The following POM121C variants were observed in gnomAD, a reference collection of about 807,000 sequenced individuals.
POM121C encodes the protein POM121 transmembrane nucleoporin C.
Under a neutral mutation model 66.4 loss-of-function variants are expected in POM121C, and 20 were observed. That is an observed-to-expected ratio of 0.30 (90% CI 0.21 to 0.44). POM121C has a LOEUF of 0.44. Among genes scored for constraint, POM121C ranks in the 20% least tolerant of loss-of-function variants. POM121C has a pLI of 1.00. For missense variants in POM121C, 580 were observed against 1,225.7 expected (o/e 0.47, Z 7.87); for synonymous variants, 286 against 528.0 (o/e 0.54, Z 6.28).
In POM121C at chr7:75,442,728, C is replaced by A. The variant is rs1449241380; in HGVS notation, c.-151-1081G>T. On this transcript the variant is annotated intron_variant, in intron 3 of 14. Coordinates refer to ENST00000615331, the MANE Select transcript of POM121C (RefSeq NM_001099415.3). Reference sequence around the variant, plus strand: ...GCAGCCGCCGGAGACATCGCGGCTCCGCGCCGCGGAGGAGACTTAAATATC... The same window carrying A: ...GCAGCCGCCGGAGACATCGCGGCTCAGCGCCGCGGAGGAGACTTAAATATC... The A allele has an allele frequency of 7.4e-6, 10 of 1,354,914 alleles. No individual in the cohort carries two copies. In the South Asian group the frequency reaches 1.4e-4, roughly 20 times the overall value. The allele number at this position is 1,354,914 out of a possible 1,614,324, so 83.9% of individuals were successfully genotyped here.
chr7:75,481,623 T>A (rs587728067), intron 1 of POM121C, among the ~76,000 whole-genome samples: 24 of 152,184 alleles, frequency 1.6e-4, no homozygotes, highest in Non-Finnish European at 2.8e-4. Flanking sequence ...TGAGCCCAGT[T>A]CAAGACCAGC....
rs782144451 is a variant in POM121C at position 75,421,958 on chromosome 7, G to A, written c.2294C>T (p.Pro765Leu). ...CGAGTGCGTGGCACCGCCAAAGGTAGGCTGGATGGGCGTAGGCACGTGCGC... is the reference window on the plus strand; with the variant it reads ...CGAGTGCGTGGCACCGCCAAAGGTAAGCTGGATGGGCGTAGGCACGTGCGC... ...VPAHVPTPIQPTFGGATHSAF... is the reference protein window; with the variant it reads ...VPAHVPTPIQLTFGGATHSAF... Residue 765 changes from proline to leucine, a missense_variant, in exon 13 of 15, where the codon CCT (proline) becomes CTT (leucine). Pro to Leu is a moderately conservative substitution (Grantham distance 98). Transcript: ENST00000615331. 21 of 1,613,734 alleles carry A rather than the reference G, an allele frequency of 1.3e-5. No individual in the cohort carries two copies. The highest frequency in any genetic ancestry group is 1.8e-5 in the Non-Finnish European group (21 of 1,179,892).
Position 75,469,633 on chromosome 7 carries a change from G to A in POM121C, c.-152+5071C>T, listed in dbSNP as rs1467901886. Among the ~76,000 whole-genome samples the A allele has an allele frequency of 4.6e-5, 7 of 152,180 alleles. No individual in the cohort carries two copies. In the East Asian group the frequency reaches 7.7e-4, roughly 17 times the overall value. On this transcript the variant is annotated intron_variant, in intron 3 of 14. Coordinates refer to ENST00000615331, the MANE Select transcript of POM121C (RefSeq NM_001099415.3). Reference sequence around the variant, plus strand: ...CCTGCAAAGATTCCCATTTTATTCAGAGTAAAAGACAATCCTTATGATCCT... The same window carrying A: ...CCTGCAAAGATTCCCATTTTATTCAAAGTAAAAGACAATCCTTATGATCCT...
At chr7:75,478,723 G>C (rs1324700991) in intron 1 of POM121C, among the ~76,000 whole-genome samples, 17 of 125,478 alleles carry the variant, frequency 1.4e-4, no homozygotes, top group Non-Finnish European at 2.5e-4. Context: ...AAATGAAACA[G>C]AGAAAGAAGA....
rs1432461280 is a variant in POM121C, at chr7:75,419,244, A to G, written c.2866+76T>C. 5 of 1,513,838 alleles carry G rather than the reference A, an allele frequency of 3.3e-6. No individual in the cohort carries two copies. The African/African-American group carries it at 5.6e-5, about 17-fold the overall frequency. 93.8% of individuals were successfully genotyped at this position (1,513,838 alleles called of 1,614,324 possible). A position where few individuals can be genotyped will look rare whatever the true frequency, so the allele number is the denominator to read the frequency against. The stretch of plus-strand genomic sequence containing the variant: ...GAACCTGATCTTCACGGGGCCTCAG[A>G]GGGCCAGGAGCCTGCCACCCCACCC... On this transcript the variant is annotated intron_variant, in intron 14 of 14. Transcript: ENST00000615331.
chr7:75,465,296 G>T (rs1304833353), intron 3 of POM121C, among the ~76,000 whole-genome samples: 1 of 151,166 alleles, frequency 6.6e-6, no homozygotes, highest in Non-Finnish European at 1.5e-5. Context: ...TGCCCAGCCT[G>T]AATTGTAACA....
chr7:75,429,167 A>G (rs587716351), intron 7 of POM121C, among the ~76,000 whole-genome samples: 2 of 152,350 alleles, frequency 1.3e-5, no homozygotes, highest in South Asian at 4.1e-4. Flanking sequence ...CATAAACAGA[A>G]TAAGACTGCA....
chr7:75,442,564 C>G lies in POM121C; in HGVS notation c.-151-917G>C, dbSNP rs1554474238. ...CCACGGCCAGCCAGGCCAGCGCAGC[C>G]GCAGCAGGCACGAGGTACAGTAGGA... On this transcript the variant is annotated intron_variant, in intron 3 of 14. Transcript: ENST00000615331. 2.7e-6 allele frequency: 4 copies of G among 1,476,136 alleles called. No individual in the cohort carries two copies. In the East Asian group the frequency reaches 1.1e-4, roughly 40 times the overall value. 91.4% of individuals were successfully genotyped at this position (1,476,136 alleles called of 1,614,324 possible). A position where few individuals can be genotyped will look rare whatever the true frequency, so the allele number is the denominator to read the frequency against.
intron 1 of POM121C, among the ~76,000 whole-genome samples, chr7:75,479,574 C>A (rs1254959885): frequency 6.8e-6 from 1 of 146,430 alleles, no homozygotes; most frequent in Non-Finnish European, 1.5e-5. Flanking sequence ...CAAGATAGCA[C>A]CCCTGCACTC....
chr7:75,424,074 A>G lies in POM121C; in HGVS notation c.1023T>C (p.Thr341=), dbSNP rs1192851669. 11 of 1,611,552 alleles carry G rather than the reference A, an allele frequency of 6.8e-6. No homozygotes were observed. The highest frequency in any genetic ancestry group is 9.3e-6 in the Non-Finnish European group (11 of 1,179,750). The change falls in exon 12 of 15, where the codon ACT becomes ACC. Residue 341 remains threonine, a synonymous_variant. Coordinates refer to ENST00000615331, the MANE Select transcript of POM121C (RefSeq NM_001099415.3). Reference sequence around the variant, plus strand: ...CTGGGCAGGGTGGCAGGCTCGGGGGAGTCTGCATCTTCTTCAAGCTCTCTA... The same window carrying G: ...CTGGGCAGGGTGGCAGGCTCGGGGGGGTCTGCATCTTCTTCAAGCTCTCTA... ...PLLESLKKMQ[T]PPSLPPCPES... is the part of the protein sequence containing the mutation.
intron 3 of POM121C, among the ~76,000 whole-genome samples, chr7:75,465,922 AAAG>A (rs1768223838): frequency 6.7e-6 from 1 of 148,470 alleles, no homozygotes; most frequent in Non-Finnish European, 1.5e-5. Context: ...AAAAAAAAAA[AAAG>A]GTGTGTGACT....
chr7:75,461,728 A>C lies in POM121C; in HGVS notation c.-152+12976T>G, dbSNP rs587676036. On this transcript the variant is annotated intron_variant, in intron 3 of 14. Transcript: ENST00000615331. ...GCCCGGCCAAAACAAATCTTAAGAA[A>C]TGTAAAATAACTGAAATCATACAAA... Among the ~76,000 whole-genome samples, 4 of 152,148 alleles carry C rather than the reference A, an allele frequency of 2.6e-5. No individual in the cohort carries two copies. The South Asian group carries it at 6.2e-4, about 24-fold the overall frequency.
At chr7:75,439,712 T>A (rs782818341) in intron 5 of POM121C, among the ~76,000 whole-genome samples, 2 of 151,762 alleles carry the variant, frequency 1.3e-5, no homozygotes, top group Non-Finnish European at 2.9e-5. Context: ...CCCTCAAGAG[T>A]CCCATGAGAG....
rs1248537644 is a variant in POM121C, at chr7:75,486,091, C to G, written c.-685G>C. The G allele has an allele frequency of 2.7e-6, 1 of 376,460 alleles. No individual in the cohort carries two copies. Among genetic ancestry groups the G allele is most frequent in the Admixed American group, 3.4e-5 (1 of 29,094 alleles). 23.3% of individuals were successfully genotyped at this position (376,460 alleles called of 1,614,324 possible). A position where few individuals can be genotyped will look rare whatever the true frequency, so the allele number is the denominator to read the frequency against. ...CCCGGCCCCTCTGGCCCCAGCGCCG[C>G]CGGCTCCGGGGTTCACGCTCGGGGG... On this transcript the variant is annotated 5_prime_UTR_variant, in exon 1 of 15. Coordinates refer to ENST00000615331, the MANE Select transcript of POM121C (RefSeq NM_001099415.3).
intron 7 of POM121C, among the ~76,000 whole-genome samples, chr7:75,437,142 G>T (rs1488894382): frequency 6.6e-6 from 1 of 152,136 alleles, no homozygotes; most frequent in Non-Finnish European, 1.5e-5. Context: ...GCTCTGTCTC[G>T]AATCAGCTCG....
intron 3 of POM121C, among the ~76,000 whole-genome samples, chr7:75,457,150 AAAAT>A (rs71305122): frequency 0.2 from 24,783 of 123,662 alleles, 3,166 homozygotes; most frequent in East Asian, 0.33. Flanking sequence ...ATTTCAATTA[AAAAT>A]AAATAAATAA....
chr7:75,447,086 A>G (rs1790845156), intron 3 of POM121C, among the ~76,000 whole-genome samples: 1 of 145,114 alleles, frequency 6.9e-6, no homozygotes, highest in South Asian at 2.2e-4. Flanking sequence ...GCATCCTGGC[A>G]TCCTATTACT....
intron 7 of POM121C, among the ~76,000 whole-genome samples, chr7:75,435,995 G>A (rs1425172483): frequency 6.6e-6 from 1 of 151,114 alleles, no homozygotes; most frequent in Non-Finnish European, 1.5e-5. Flanking sequence ...AGATTGCAGT[G>A]AGCCAAGGTC....
At chr7:75,483,853 C>A (rs1227466293) in intron 1 of POM121C, among the ~76,000 whole-genome samples, 6 of 152,074 alleles carry the variant, frequency 3.9e-5, no homozygotes, top group Non-Finnish European at 7.4e-5. Flanking sequence ...GTAATCCCAG[C>A]ACTTTGGGAG....
Sources: allele counts gnomAD v4.1 joint callset (sites outside exome capture counted in the v4.1 genomes callset), GRCh38; gene constraint gnomAD v4.1.1; transcripts MANE v1.5; gene names NCBI Gene and HGNC (gene_info 2026-07-23, HGNC 2026-07-21).